The following ACAD11 variants were observed in gnomAD, a reference collection of about 807,000 sequenced individuals.
ACAD11 encodes acyl-Coenzyme A dehydrogenase family, member 11.
A neutral mutation model predicts 102.2 loss-of-function variants in ACAD11; 83 were observed. The observed-to-expected ratio is 0.81, with a 90% confidence interval of 0.68 to 0.97. The LOEUF (loss-of-function observed/expected upper bound fraction) is 0.97. Among genes scored for constraint, ACAD11 ranks in the 50% least tolerant of loss-of-function variants. The probability of loss-of-function intolerance (pLI) is 0.00; values close to 1 mark genes in which losing one functional copy is unlikely to be tolerated. For synonymous variants in ACAD11, 324 were observed against 319.8 expected (o/e 1.01, Z -0.14); for missense variants, 901 against 951.7 (o/e 0.95, Z 0.70).
intron 4 of ACAD11, among the ~76,000 whole-genome samples, chr3:132,640,616 G>C (rs1940457286): frequency 6.6e-6 from 1 of 152,016 alleles, no homozygotes; most frequent in African/African-American, 2.4e-5. Context: ...CCTTTACTTG[G>C]TCTTATCTAG....
At chr3:132,593,583 G>A (rs553893553) in intron 13 of ACAD11, among the ~76,000 whole-genome samples, 85 of 152,238 alleles carry the variant, frequency 5.6e-4, no homozygotes, top group Non-Finnish European at 1.1e-3. Flanking sequence ...TACATTATTG[G>A]TAGAGAACAA....
intron 1 of ACAD11, among the ~76,000 whole-genome samples, chr3:132,658,041 T>C (rs775206325): frequency 6.6e-6 from 1 of 152,004 alleles, no homozygotes; most frequent in African/African-American, 2.4e-5. Context: ...TTTGTATCTT[T>C]AGTAGAGATG....
chr3:132,646,944 A>G (rs971245395), intron 1 of ACAD11, among the ~76,000 whole-genome samples: 2 of 152,296 alleles, frequency 1.3e-5, no homozygotes, highest in Non-Finnish European at 1.5e-5. Flanking sequence ...TGGGGGAGGA[A>G]AAAATTGGGA....
At chr3:132,583,096 T>C (rs937401729) in intron 13 of ACAD11, among the ~76,000 whole-genome samples, 19 of 152,170 alleles carry the variant, frequency 1.2e-4, no homozygotes, top group Non-Finnish European at 2.5e-4. Context: ...CCTCTTTTTC[T>C]ATTGATTGGA....
intron 11 of ACAD11, among the ~76,000 whole-genome samples, chr3:132,611,903 G>A (rs1027832263): frequency 5.3e-5 from 8 of 151,970 alleles, no homozygotes; most frequent in Admixed American, 5.2e-4. Flanking sequence ...CCAAAAAAGA[G>A]CCTGCATCGC....
At chr3:132,589,692 T>G (rs948622152) in intron 13 of ACAD11, among the ~76,000 whole-genome samples, 14 of 152,292 alleles carry the variant, frequency 9.2e-5, no homozygotes, top group African/African-American at 3.4e-4. Flanking sequence ...TCATTTTCAT[T>G]AGAAATATTT....
At chr3:132,655,673 A>C (rs1231681134) in intron 1 of ACAD11, among the ~76,000 whole-genome samples, 1 of 152,180 alleles carries the variant, frequency 6.6e-6, no homozygotes, top group Non-Finnish European at 1.5e-5. Flanking sequence ...TCCATGTTAC[A>C]TATCAACTTC....
intron 13 of ACAD11, among the ~76,000 whole-genome samples, chr3:132,586,111 A>T (rs1937809618): frequency 6.6e-6 from 1 of 152,224 alleles, no homozygotes; most frequent in South Asian, 2.1e-4. Flanking sequence ...ATAATGATAG[A>T]CTGGATTAAG....
intron 10 of ACAD11, chr3:132,619,085 C>A (rs1180979520): frequency 9.8e-6 from 3 of 305,290 alleles, no homozygotes; most frequent in Non-Finnish European, 1.8e-5. Context: ...GTATGATATG[C>A]CAAATATACT....
At chr3:132,645,550 C>G (rs754330310) in intron 1 of ACAD11, among the ~76,000 whole-genome samples, 1 of 152,182 alleles carries the variant, frequency 6.6e-6, no homozygotes, top group Non-Finnish European at 1.5e-5. Flanking sequence ...TCTATTCCTT[C>G]ACTTATAATA....
chr3:132,578,353 G>A (rs1386896145), intron 15 of ACAD11, among the ~76,000 whole-genome samples: 1 of 152,156 alleles, frequency 6.6e-6, no homozygotes, highest in African/African-American at 2.4e-5. Context: ...AAGGGCAGAG[G>A]AAGGAAAATT....
chr3:132,593,991 A>T (rs1938194351), intron 13 of ACAD11, among the ~76,000 whole-genome samples: 1 of 152,108 alleles, frequency 6.6e-6, no homozygotes, highest in African/African-American at 2.4e-5. Context: ...ATTTTGTCAA[A>T]TTTCCCTATT....
At chr3:132,585,195 G>C (rs951073306) in intron 13 of ACAD11, among the ~76,000 whole-genome samples, 48 of 152,190 alleles carry the variant, frequency 3.2e-4, no homozygotes, top group Non-Finnish European at 5.1e-4. Flanking sequence ...TGCCGCATAT[G>C]TACAACTATC....
intron 5 of ACAD11, among the ~76,000 whole-genome samples, chr3:132,638,388 A>G (rs1467956868): frequency 6.6e-6 from 1 of 152,210 alleles, no homozygotes; most frequent in Non-Finnish European, 1.5e-5. Context: ...ACAAAAAGTT[A>G]AAATAAAAAT....
intron 13 of ACAD11, among the ~76,000 whole-genome samples, chr3:132,593,998 T>A (rs1304700251): frequency 6.6e-6 from 1 of 152,162 alleles, no homozygotes; most frequent in Non-Finnish European, 1.5e-5. Flanking sequence ...CAAATTTCCC[T>A]ATTACCACTG....
rs1479990088 is a variant in ACAD11, at chr3:132,626,899, T to C, written c.1071-82A>G. ...ACATATTTCTAATATAATGTGAAGT[T>C]TCCTCAGCTACCCAAAAAACATCCC... On this transcript the variant is annotated intron_variant, in intron 8 of 19. Coordinates refer to ENST00000264990, the MANE Select transcript of ACAD11 (RefSeq NM_032169.5). The C allele has an allele frequency of 5.7e-6, 8 of 1,391,562 alleles. No homozygotes were observed. The Admixed American group carries it at 7.6e-5, about 13-fold the overall frequency. The allele number at this position is 1,391,562 out of a possible 1,614,324, so 86.2% of individuals were successfully genotyped here.
At chr3:132,607,714 CAGG>C (rs1938911382) in intron 11 of ACAD11, among the ~76,000 whole-genome samples, 1 of 152,070 alleles carries the variant, frequency 6.6e-6, no homozygotes, top group African/African-American at 2.4e-5. Flanking sequence ...GGATATTATC[CAGG>C]AGAACTTCCC....
chr3:132,586,018 G>A (rs982771283), intron 13 of ACAD11, among the ~76,000 whole-genome samples: 1 of 152,104 alleles, frequency 6.6e-6, no homozygotes, highest in Non-Finnish European at 1.5e-5. Context: ...TATAAATCAT[G>A]CTGCTATAAA....
At chr3:132,632,388 T>C (rs60539887) in intron 5 of ACAD11, among the ~76,000 whole-genome samples, 7,888 of 152,264 alleles carry the variant, frequency 0.052, 696 homozygotes, top group African/African-American at 0.18. Context: ...GGACATTCTT[T>C]TGTTCATTTC....
Sources: gnomAD v4.1 joint callset for allele counts (sites outside exome capture counted in the v4.1 genomes callset) on GRCh38, gnomAD v4.1.1 for gene constraint, MANE v1.5 for transcripts, NCBI Gene and HGNC (gene_info 2026-07-23, HGNC 2026-07-21) for gene names.